The following IFT43 variants were observed in gnomAD, a reference collection of about 807,000 sequenced individuals.
The protein encoded by IFT43 is intraflagellar transport protein 43 homolog.
A neutral mutation model predicts 32.3 loss-of-function variants in IFT43; 33 were observed. The observed-to-expected ratio is 1.02, with a 90% CI of 0.77 to 1.37. The LOEUF (loss-of-function observed/expected upper bound fraction) is 1.37, where lower values mean the gene tolerates loss of function less well. Ranked by LOEUF, IFT43 falls within the 40% of genes most tolerant of loss-of-function variation. IFT43 has a pLI of 0.00. For missense variants in IFT43, 274 were observed against 265.9 expected (o/e 1.03, Z -0.21); for synonymous variants, 93 against 98.2 (o/e 0.95, Z 0.31).
intron 2 of IFT43, among the ~76,000 whole-genome samples, chr14:76,002,919 T>C (rs1281527910): frequency 6.6e-6 from 1 of 152,318 alleles, no homozygotes; most frequent in African/African-American, 2.4e-5. Context: ...CAAGGAGATG[T>C]AGAGAGTGTG....
intron 2 of IFT43, among the ~76,000 whole-genome samples, chr14:76,007,024 A>T (rs971593787): frequency 6.6e-6 from 1 of 151,718 alleles, no homozygotes; most frequent in Non-Finnish European, 1.5e-5. Context: ...TGCCTGGCTA[A>T]TTTTTTCTAT....
chr14:76,002,791 G>A (rs1389252479), intron 2 of IFT43, among the ~76,000 whole-genome samples: 1 of 152,208 alleles, frequency 6.6e-6, no homozygotes, highest in Non-Finnish European at 1.5e-5. Flanking sequence ...TTTGGGGAGT[G>A]AAACAGGAGT....
chr14:76,028,714 G>A (rs934760155), intron 3 of IFT43, among the ~76,000 whole-genome samples: 11 of 151,974 alleles, frequency 7.2e-5, no homozygotes, highest in African/African-American at 2.2e-4. Context: ...CTAATATTTG[G>A]TTTTCTGTTT....
At chr14:76,003,857 A>G (rs2035935066) in intron 2 of IFT43, among the ~76,000 whole-genome samples, 3 of 151,688 alleles carry the variant, frequency 2.0e-5, no homozygotes, top group Admixed American at 2.0e-4. Context: ...GGCTCACTGC[A>G]ACCTCTGCCT....
chr14:76,051,520 G>C (rs537978954), intron 3 of IFT43, among the ~76,000 whole-genome samples: 1 of 152,112 alleles, frequency 6.6e-6, no homozygotes, highest in South Asian at 2.1e-4. Flanking sequence ...CTCATTTGGC[G>C]CTTCACACAT....
intron 2 of IFT43, among the ~76,000 whole-genome samples, chr14:76,015,950 T>G (rs970258931): frequency 1.3e-5 from 2 of 152,234 alleles, no homozygotes; most frequent in African/African-American, 4.8e-5. Flanking sequence ...TTTTTTCATA[T>G]AGTTGGCCAT....
At chr14:76,037,318 G>A (rs1300548100) in intron 3 of IFT43, among the ~76,000 whole-genome samples, 1 of 152,210 alleles carries the variant, frequency 6.6e-6, no homozygotes. Context: ...CTTTCAGCCT[G>A]TGATTGACCA....
rs17783372 is a variant in IFT43, at chr14:76,076,932, C to A, written c.296-5363C>A. On this transcript the variant is annotated intron_variant, in intron 5 of 8. Transcript: ENST00000314067. ...CACCCATTTATTTCTGTGGTATCATCTGCTGAACGATTTTTTGGGTAGATG... is the reference window on the plus strand; with the variant it reads ...CACCCATTTATTTCTGTGGTATCATATGCTGAACGATTTTTTGGGTAGATG... Among the ~76,000 whole-genome samples the A allele has an allele frequency of 0.35, 52,813 of 151,690 alleles. 9,306 individuals carry two copies. Among genetic ancestry groups the A allele is most frequent in the African/African-American group, 0.4 (16,374 of 41,294 alleles).
rs371899357 is a variant in IFT43 at position 75,988,859 on chromosome 14, G to A, written c.55-26G>A. ...AGTGGCCCAAATGACATTTGGGTCAGCAGTGCCTTCTGTTTCTCCTTACAG... is the reference window on the plus strand; with the variant it reads ...AGTGGCCCAAATGACATTTGGGTCAACAGTGCCTTCTGTTTCTCCTTACAG... On this transcript the variant is annotated intron_variant, in intron 1 of 8. Coordinates refer to ENST00000314067, the MANE Select transcript of IFT43 (RefSeq NM_001102564.3). 6.1e-5 allele frequency: 98 copies of A among 1,613,520 alleles called. 1 individual carries two copies. In the African/African-American group the frequency reaches 1.2e-3, roughly 19 times the overall value.
chr14:76,082,514 G>T (rs564053453), intron 6 of IFT43, 103 bp from the exon 7 acceptor site: 2 of 1,404,186 alleles, frequency 1.4e-6, no homozygotes, highest in Admixed American at 3.4e-5. Flanking sequence ...TCCCATTCTG[G>T]TCATCCCCTG....
intron 3 of IFT43, among the ~76,000 whole-genome samples, chr14:76,030,507 C>T (rs2036490725): frequency 6.6e-6 from 1 of 152,160 alleles, no homozygotes; most frequent in African/African-American, 2.4e-5. Flanking sequence ...TATTGGATAT[C>T]TTTGCTTCTA....
chr14:76,022,411 C>T lies in IFT43; in HGVS notation c.215+17C>T, dbSNP rs2036309930. The T allele has an allele frequency of 6.7e-7, 1 of 1,492,812 alleles. No individual in the cohort carries two copies. The highest frequency in any genetic ancestry group is 9.3e-7 in the Non-Finnish European group (1 of 1,069,776). The allele number at this position is 1,492,812 out of a possible 1,614,324, so 92.5% of individuals were successfully genotyped here. On this transcript the variant is annotated intron_variant, in intron 3 of 8. Coordinates refer to ENST00000314067, the MANE Select transcript of IFT43 (RefSeq NM_001102564.3). ...GGCTTCGAAGTGAGTACCAGCAGCT[C>T]ATAAGAGTATGGGTGGGGGTGCACA... is the stretch of plus-strand genomic sequence containing the variant.
In IFT43 at chr14:75,992,304, T is replaced by C. The variant is rs377753002; in HGVS notation, c.147+3327T>C. Among the ~76,000 whole-genome samples the C allele has an allele frequency of 1.3e-3, 204 of 152,312 alleles. 5 individuals carry two copies. In the South Asian group the frequency reaches 0.037, roughly 28 times the overall value. The stretch of plus-strand genomic sequence containing the variant: ...TGATAGTAATACCACCAGGTTGATA[T>C]GGGGGCAAGTGAGATACGCATTGAG... On this transcript the variant is annotated intron_variant, in intron 2 of 8. Coordinates refer to ENST00000314067, the MANE Select transcript of IFT43 (RefSeq NM_001102564.3).
At chr14:76,064,004 C>A (rs2140064484) in intron 5 of IFT43, among the ~76,000 whole-genome samples, 1 of 152,268 alleles carries the variant, frequency 6.6e-6, no homozygotes, top group South Asian at 2.1e-4. Context: ...ACTTCTGCCT[C>A]ATCTCATTCC....
chr14:76,080,087 G>T (rs1015621709), intron 5 of IFT43, among the ~76,000 whole-genome samples: 1 of 152,200 alleles, frequency 6.6e-6, no homozygotes, highest in Admixed American at 6.5e-5. Context: ...GCAGACACCT[G>T]TTCTGCTGGG....
intron 2 of IFT43, among the ~76,000 whole-genome samples, chr14:76,004,427 C>A (rs1193100253): frequency 6.6e-6 from 1 of 151,718 alleles, no homozygotes; most frequent in Non-Finnish European, 1.5e-5. Flanking sequence ...AGTCTTTTCT[C>A]CTCCCTCTGG....
At chr14:76,050,145 C>G (rs1261218750) in intron 3 of IFT43, among the ~76,000 whole-genome samples, 1 of 152,220 alleles carries the variant, frequency 6.6e-6, no homozygotes, top group African/African-American at 2.4e-5. Context: ...GGCAAGGCTT[C>G]CATGAAGCCT....
intron 5 of IFT43, among the ~76,000 whole-genome samples, chr14:76,067,045 C>T (rs768710022): frequency 6.6e-5 from 10 of 152,168 alleles, no homozygotes; most frequent in Non-Finnish European, 1.0e-4. Context: ...AGGAAATGCC[C>T]TTCCTTCTCT....
At chr14:75,985,903 C>A in intron 1 of IFT43, 63 bp downstream of exon 1, 1 of 1,590,998 alleles carries the variant, frequency 6.3e-7, no homozygotes, top group Non-Finnish European at 8.5e-7. Flanking sequence ...GCGACCCCGC[C>A]GGCCCCGACT....
Sources: gnomAD v4.1 joint callset for allele counts (sites outside exome capture counted in the v4.1 genomes callset) on GRCh38, gnomAD v4.1.1 for gene constraint, MANE v1.5 for transcripts, NCBI Gene and HGNC (gene_info 2026-07-23, HGNC 2026-07-21) for gene names.